Variants in TVP23B observed in about 807,000 individuals in gnomAD.
TVP23B encodes Golgi apparatus membrane protein TVP23 homolog B.
In TVP23B, 10 loss-of-function variants were observed where a neutral mutation model predicts 30.6. That is an observed-to-expected ratio of 0.33 (90% CI 0.20 to 0.55). The LOEUF (loss-of-function observed/expected upper bound fraction) is 0.55. Among genes scored for constraint, TVP23B ranks in the 20% least tolerant of loss-of-function variants. The pLI is 0.91. For synonymous variants in TVP23B, 67 were observed against 83.1 expected (o/e 0.81, Z 1.06); for missense variants, 153 against 243.2 (o/e 0.63, Z 2.47).
chr17:18,788,454 C>G (rs2035943322), intron 1 of TVP23B, among the ~76,000 whole-genome samples: 1 of 151,684 alleles, frequency 6.6e-6, no homozygotes. Context: ...AATAAGTGGC[C>G]TTGAAGAAGT....
At chr17:18,797,904 T>C (rs1371516050) in intron 4 of TVP23B, among the ~76,000 whole-genome samples, 19 of 151,574 alleles carry the variant, frequency 1.3e-4, no homozygotes, top group African/African-American at 3.9e-4. Flanking sequence ...TCTGAGTTCA[T>C]ACAGTGTGCT....
At chr17:18,800,385 C>A (rs960133673) in intron 5 of TVP23B, among the ~76,000 whole-genome samples, 61 of 152,204 alleles carry the variant, frequency 4.0e-4, no homozygotes, top group Non-Finnish European at 1.0e-4. Flanking sequence ...AAAGTCGATT[C>A]ATTGCCTATC....
chr17:18,805,958 A>G lies in TVP23B; in HGVS notation c.*391A>G, dbSNP rs921274644. On this transcript the variant is annotated 3_prime_UTR_variant, in exon 7 of 7. Transcript: ENST00000307767. ...TTCTTAGTCTGTCTCAAAGCTCTAT[A>G]TGTTTACATATTATTTCTGTAGATT... The G allele has an allele frequency of 4.1e-6, 4 of 979,116 alleles. No individual in the cohort carries two copies. Among genetic ancestry groups the G allele is most frequent in the Non-Finnish European group, 4.9e-6 (4 of 820,522 alleles). The allele number at this position is 979,116 out of a possible 1,614,324, so 60.7% of individuals were successfully genotyped here. A position where few individuals can be genotyped will look rare whatever the true frequency, so the allele number is the denominator to read the frequency against.
At chr17:18,804,477 A>T (rs1322495433) in intron 6 of TVP23B, 9 of 1,254,626 alleles carry the variant, frequency 7.2e-6, no homozygotes, top group Non-Finnish European at 9.1e-6. Flanking sequence ...GCCAGGAAGG[A>T]TAAACTATCA....
intron 1 of TVP23B, among the ~76,000 whole-genome samples, chr17:18,786,988 TG>T (rs1477441234): frequency 2.7e-5 from 4 of 149,452 alleles, no homozygotes; most frequent in African/African-American, 1.0e-4. Flanking sequence ...TTCTCAGCCC[TG>T]ATCACAGTCA....
At chr17:18,784,337 T>G (rs567287926) in intron 1 of TVP23B, among the ~76,000 whole-genome samples, 1 of 152,236 alleles carries the variant, frequency 6.6e-6, no homozygotes, top group Admixed American at 6.5e-5. Flanking sequence ...CTGAGTTCCC[T>G]GATGACCTGT....
At chr17:18,800,345 G>C (rs538963864) in intron 5 of TVP23B, among the ~76,000 whole-genome samples, 1 of 152,048 alleles carries the variant, frequency 6.6e-6, no homozygotes, top group Admixed American at 6.5e-5. Context: ...ATTTCTTACT[G>C]GTTGTTTAGT....
chr17:18,793,432 C>T (rs1414022348), intron 3 of TVP23B, among the ~76,000 whole-genome samples: 3 of 144,104 alleles, frequency 2.1e-5, no homozygotes, highest in Admixed American at 6.9e-5. Flanking sequence ...ATGGTGAAAC[C>T]CCATCTCTGC....
chr17:18,789,455 A>G lies in TVP23B; in HGVS notation c.95+20A>G, dbSNP rs750778766. On this transcript the variant is annotated intron_variant, in intron 2 of 6. Coordinates refer to ENST00000307767, the MANE Select transcript of TVP23B (RefSeq NM_016078.6). ...AATCAGGTAGGAGGAGAGAAGTTGC[A>G]TGAGCTGTGTTAGTGTCCAGTGCTG... 9 of 1,613,868 alleles carry G rather than the reference A, an allele frequency of 5.6e-6. No homozygotes were observed. The highest frequency in any genetic ancestry group is 5.9e-6 in the Non-Finnish European group (7 of 1,179,858).
chr17:18,793,917 A>T (rs2036036852), intron 3 of TVP23B, among the ~76,000 whole-genome samples: 1 of 152,190 alleles, frequency 6.6e-6, no homozygotes, highest in Non-Finnish European at 1.5e-5. Context: ...AGGCAAAGAT[A>T]ACATCAGATC....
In TVP23B at chr17:18,792,007, C is replaced by A. The variant is rs142835943; in HGVS notation, c.240+967C>A. 2.8e-3 allele frequency among the ~76,000 whole-genome samples: 431 copies of A among 152,132 alleles called. 2 individuals are homozygous for A. The highest frequency in any genetic ancestry group is 9.6e-3 in the African/African-American group (398 of 41,494). On this transcript the variant is annotated intron_variant, in intron 3 of 6. Coordinates refer to ENST00000307767, the MANE Select transcript of TVP23B (RefSeq NM_016078.6). ...TAAGATGTTACAACCCTATTCACAC[C>A]CACCAATGTAGCCATTTTTAGATCT...
At chr17:18,788,188 A>T (rs938221677) in intron 1 of TVP23B, among the ~76,000 whole-genome samples, 1 of 151,886 alleles carries the variant, frequency 6.6e-6, no homozygotes, top group African/African-American at 2.4e-5. Flanking sequence ...AAAATTAGCC[A>T]GGCATGGTGG....
At chr17:18,788,131 T>A (rs1373015134) in intron 1 of TVP23B, among the ~76,000 whole-genome samples, 2 of 150,238 alleles carry the variant, frequency 1.3e-5, no homozygotes, top group African/African-American at 2.5e-5. Flanking sequence ...GGTCATGAAA[T>A]CTCCTGGTTA....
rs2036090964 is a variant in TVP23B, at chr17:18,797,328, G to A, written c.241-251G>A. 2.1e-5 allele frequency: 9 copies of A among 428,218 alleles called. No homozygotes were observed. In the South Asian group the frequency reaches 2.2e-4, roughly 11 times the overall value. The allele number at this position is 428,218 out of a possible 1,614,324, so 26.5% of individuals were successfully genotyped here. A position where few individuals can be genotyped will look rare whatever the true frequency, so the allele number is the denominator to read the frequency against. On this transcript the variant is annotated intron_variant, in intron 3 of 6. Coordinates refer to ENST00000307767, the MANE Select transcript of TVP23B (RefSeq NM_016078.6). ...GAGAAAGGGCAAATTGTTCATGAGG[G>A]AAAAGAGAAGGTGTAATGTTTATGG... is the stretch of plus-strand genomic sequence containing the variant.
At chr17:18,788,330 CAAA>C (rs961283447) in intron 1 of TVP23B, among the ~76,000 whole-genome samples, 3 of 67,358 alleles carry the variant, frequency 4.5e-5, no homozygotes, top group African/African-American at 1.1e-4. Flanking sequence ...GACTCCATCT[CAAA>C]AAAAAAAAAA....
At chr17:18,794,686 GA>G (rs2036047474) in intron 3 of TVP23B, among the ~76,000 whole-genome samples, 1 of 151,722 alleles carries the variant, frequency 6.6e-6, no homozygotes, top group Non-Finnish European at 1.5e-5. Flanking sequence ...TAGAAAATGG[GA>G]ACACAGAAGA....
intron 5 of TVP23B, among the ~76,000 whole-genome samples, chr17:18,803,401 C>T (rs1315589474): frequency 6.6e-6 from 1 of 152,212 alleles, no homozygotes; most frequent in Non-Finnish European, 1.5e-5. Context: ...CTTTGCTGAT[C>T]CCTGTATTAG....
chr17:18,787,572 C>T (rs1474772346), intron 1 of TVP23B, among the ~76,000 whole-genome samples: 2 of 152,094 alleles, frequency 1.3e-5, no homozygotes, highest in Non-Finnish European at 2.9e-5. Context: ...TCAGCTATTT[C>T]AGTATTTGAG....
At chr17:18,800,381 G>T (rs1370859753) in intron 5 of TVP23B, among the ~76,000 whole-genome samples, 1 of 152,104 alleles carries the variant, frequency 6.6e-6, no homozygotes. Context: ...TAAAAAAGTC[G>T]ATTCATTGCC....
Sources: gnomAD v4.1 joint callset for allele counts (sites outside exome capture counted in the v4.1 genomes callset) on GRCh38, gnomAD v4.1.1 for gene constraint, MANE v1.5 for transcripts, NCBI Gene and HGNC (gene_info 2026-07-23, HGNC 2026-07-21) for gene names.